The following NKD1 variants were observed in gnomAD, a reference collection of about 807,000 sequenced individuals.
NKD1 encodes NKD inhibitor of Wnt signaling pathway 1.
NKD1 carries 21 observed loss-of-function variants against 56.0 expected under a neutral mutation model. That is an observed-to-expected ratio of 0.38 (90% CI 0.27 to 0.54). The LOEUF (loss-of-function observed/expected upper bound fraction) is 0.54. Among genes scored for constraint, NKD1 ranks in the 20% least tolerant of loss-of-function variants. The pLI, the probability that NKD1 is intolerant of heterozygous loss-of-function variation, is 0.82. For missense variants in NKD1, 578 were observed against 642.7 expected (o/e 0.90, Z 1.09); for synonymous variants, 263 against 265.7 (o/e 0.99, Z 0.10).
chr16:50,617,551 G>A (rs1961989970), intron 4 of NKD1, among the ~76,000 whole-genome samples: 1 of 152,162 alleles, frequency 6.6e-6, no homozygotes, highest in Non-Finnish European at 1.5e-5. Context: ...AGGGTGGAGA[G>A]CTGCCAGGCT....
chr16:50,625,802 T>C (rs1962198148), intron 6 of NKD1, among the ~76,000 whole-genome samples: 1 of 152,016 alleles, frequency 6.6e-6, no homozygotes, highest in Admixed American at 6.5e-5. Flanking sequence ...GCAGCTCCCC[T>C]GCTCTCAGCC....
At chr16:50,580,565 C>T (rs540399689) in intron 3 of NKD1, among the ~76,000 whole-genome samples, 3 of 152,336 alleles carry the variant, frequency 2.0e-5, no homozygotes, top group East Asian at 1.9e-4. Context: ...GTCGAATGAG[C>T]GTTACTCTGT....
intron 3 of NKD1, chr16:50,574,498 C>T (rs1342660128): frequency 9.1e-6 from 9 of 985,334 alleles, no homozygotes; most frequent in Middle Eastern, 5.2e-4. Flanking sequence ...CCATTTTGCT[C>T]CTCCTGCTGC....
chr16:50,553,577 C>T (rs990515055), intron 3 of NKD1: 7 of 152,170 alleles, frequency 4.6e-5, no homozygotes, highest in Non-Finnish European at 1.0e-4. Context: ...TGCCAGATTC[C>T]AAGGGAATTA....
At chr16:50,616,029 A>G (rs1325005200) in intron 4 of NKD1, 1 of 453,054 alleles carries the variant, frequency 2.2e-6, no homozygotes, top group South Asian at 1.6e-5. Flanking sequence ...ATTAAAATTC[A>G]TCTGCATTCC....
chr16:50,549,499 G>T lies in NKD1; in HGVS notation c.136G>T (p.Gly46Cys), dbSNP rs755243322. ...EWIGRQRCPG[G>C]VSGPRQLRLA... Reference sequence around the variant, plus strand: ...GATCGGGAGACAGCGCTGCCCGGGCGGTGTCTCGGGACCCCGACAGCTGCG... The same window carrying T: ...GATCGGGAGACAGCGCTGCCCGGGCTGTGTCTCGGGACCCCGACAGCTGCG... Residue 46 changes from glycine (G) to cysteine (C), a missense_variant, in exon 3 of 10, where the codon GGT becomes TGT. Gly to Cys is a radical substitution (Grantham distance 159). Coordinates refer to ENST00000268459, the MANE Select transcript of NKD1 (RefSeq NM_033119.5). 18 of 1,608,766 alleles carry T rather than the reference G, an allele frequency of 1.1e-5. 1 individual carries two copies. Among genetic ancestry groups the T allele is most frequent in the Non-Finnish European group, 1.4e-5 (17 of 1,177,678 alleles).
In NKD1 at chr16:50,632,265, G is replaced by T; in HGVS notation, c.696-16G>T. Reference sequence around the variant, plus strand: ...GTGGTTGGTGTTATCCCACTCACTTGCCTCCCCTGCCGTAGGTTCCAGGGT... The same window carrying T: ...GTGGTTGGTGTTATCCCACTCACTTTCCTCCCCTGCCGTAGGTTCCAGGGT... On this transcript the variant is annotated splice_polypyrimidine_tract_variant and intron_variant, in intron 8 of 9. Transcript: ENST00000268459. This position sits in a 1 kb window ranked among gnomAD's most constrained non-coding sequence, Gnocchi z 4.1. 6.2e-7 allele frequency: 1 copy of T among 1,613,820 alleles called. No homozygotes were observed. The highest frequency in any genetic ancestry group is 8.5e-7 in the Non-Finnish European group (1 of 1,179,778).
chr16:50,562,159 C>T (rs1481282312), intron 3 of NKD1: 1 of 178,566 alleles, frequency 5.6e-6, no homozygotes, highest in Non-Finnish European at 1.1e-5. Flanking sequence ...CTCTCTGCAA[C>T]TGGTCAAAGC....
Position 50,633,124 on chromosome 16 carries a change from T to C in NKD1, c.824-68T>C, listed in dbSNP as rs919347972. ...TGGAGAACTGGGGGCGGGGGTGATG[T>C]CTGGGGTATAGCGCAAGCCCCAGCA... On this transcript the variant is annotated intron_variant, in intron 9 of 9. Coordinates refer to ENST00000268459, the MANE Select transcript of NKD1 (RefSeq NM_033119.5). The surrounding 1 kb of genome is among the most constrained non-coding windows in gnomAD (Gnocchi z 4.9). The C allele has an allele frequency of 7.0e-7, 1 of 1,424,400 alleles. No individual in the cohort carries two copies. Among genetic ancestry groups the C allele is most frequent in the Non-Finnish European group, 9.5e-7 (1 of 1,056,840 alleles). 88.2% of individuals were successfully genotyped at this position (1,424,400 alleles called of 1,614,324 possible).
chr16:50,633,079 T>A lies in NKD1; in HGVS notation c.824-113T>A, dbSNP rs919521314. On this transcript the variant is annotated intron_variant, in intron 9 of 9. Coordinates refer to ENST00000268459, the MANE Select transcript of NKD1 (RefSeq NM_033119.5). This position sits in a 1 kb window ranked among gnomAD's most constrained non-coding sequence, Gnocchi z 4.9. ...AAGGCAGTGAGGGGCAGTCAGGGCA[T>A]TGGGGGGTAGCTCTGGTTTTGGAGA... is the stretch of plus-strand genomic sequence containing the variant. 1 of 958,192 alleles carries A rather than the reference T, an allele frequency of 1.0e-6. No homozygotes were observed. The highest frequency in any genetic ancestry group is 1.7e-5 in the African/African-American group (1 of 59,210). 59.4% of individuals were successfully genotyped at this position (958,192 alleles called of 1,614,324 possible).
chr16:50,574,464 C>A (rs908923176), intron 3 of NKD1: 1 of 985,288 alleles, frequency 1.0e-6, no homozygotes, highest in Non-Finnish European at 1.2e-6. Flanking sequence ...CTTGGCTGGG[C>A]CTCATCTTGT....
intron 3 of NKD1, among the ~76,000 whole-genome samples, chr16:50,581,070 A>T (rs140231878): frequency 6.6e-6 from 1 of 152,314 alleles, no homozygotes; most frequent in East Asian, 1.9e-4. Context: ...TTATGCAAAT[A>T]TTAAACCTGC....
At chr16:50,567,564 G>A (rs1400577517) in intron 3 of NKD1, among the ~76,000 whole-genome samples, 1 of 152,124 alleles carries the variant, frequency 6.6e-6, no homozygotes, top group African/African-American at 2.4e-5. Context: ...CTCTGATCTC[G>A]GGACACCCCT....
intron 3 of NKD1, chr16:50,572,923 T>C (rs897600987): frequency 2.0e-5 from 19 of 968,446 alleles, no homozygotes; most frequent in Non-Finnish European, 2.1e-5. Flanking sequence ...CAGAAGAGGG[T>C]GGGAGAGTGG....
rs1323046025 is a variant in NKD1 at position 50,633,115 on chromosome 16, G to A, written c.824-77G>A. ...CTCTGGTTTTGGAGAACTGGGGGCGGGGGTGATGTCTGGGGTATAGCGCAA... is the reference window on the plus strand; with the variant it reads ...CTCTGGTTTTGGAGAACTGGGGGCGAGGGTGATGTCTGGGGTATAGCGCAA... On this transcript the variant is annotated intron_variant, in intron 9 of 9. Coordinates refer to ENST00000268459, the MANE Select transcript of NKD1 (RefSeq NM_033119.5). The surrounding 1 kb of genome is among the most constrained non-coding windows in gnomAD (Gnocchi z 4.9). The A allele has an allele frequency of 3.7e-6, 5 of 1,343,698 alleles. No homozygotes were observed. The highest frequency in any genetic ancestry group is 5.0e-6 in the Non-Finnish European group (5 of 996,294). 83.2% of individuals were successfully genotyped at this position (1,343,698 alleles called of 1,614,324 possible). A position where few individuals can be genotyped will look rare whatever the true frequency, so the allele number is the denominator to read the frequency against.
rs181213152 is a variant in NKD1 at position 50,584,496 on chromosome 16, C to T, written c.193-23798C>T. 3.1e-3 allele frequency among the ~76,000 whole-genome samples: 465 copies of T among 152,302 alleles called. 2 individuals carry two copies. The highest frequency in any genetic ancestry group is 6.8e-3 in the Middle Eastern group (2 of 294). ...GGTCCTAGAATTGGGCAAGGTCCTACCTTTGCTGCTTTCCAAATGTGTAAC... is the reference window on the plus strand; with the variant it reads ...GGTCCTAGAATTGGGCAAGGTCCTATCTTTGCTGCTTTCCAAATGTGTAAC... On this transcript the variant is annotated intron_variant, in intron 3 of 9. Transcript: ENST00000268459.
At chr16:50,570,750 G>A (rs894337338) in intron 3 of NKD1, 28 of 926,072 alleles carry the variant, frequency 3.0e-5, no homozygotes, top group South Asian at 5.0e-5. Context: ...GAGGCAGAAC[G>A]GGGTAGGACT....
intron 3 of NKD1, among the ~76,000 whole-genome samples, chr16:50,562,982 CA>C (rs1236233104): frequency 6.0e-4 from 70 of 116,390 alleles, no homozygotes; most frequent in African/African-American, 2.1e-3. Context: ...TAGGTCCCAC[CA>C]CCACCCCCCC....
intron 3 of NKD1, chr16:50,571,578 T>C: frequency 2.1e-6 from 2 of 968,316 alleles, no homozygotes; most frequent in Non-Finnish European, 2.5e-6. Flanking sequence ...CATCTGTTGC[T>C]CAGAGAGGCA....
Sources: gnomAD v4.1 joint callset for allele counts (sites outside exome capture counted in the v4.1 genomes callset) on GRCh38, gnomAD v4.1.1 for gene constraint, Gnocchi (gnomAD v3.1) non-coding constraint, MANE v1.5 for transcripts, NCBI Gene and HGNC (gene_info 2026-07-23, HGNC 2026-07-21) for gene names.